CSNK1G1: variants seen among roughly 807,000 people sequenced by gnomAD.
The protein encoded by CSNK1G1 is casein kinase 1 gamma 1, also known as casein kinase I isoform gamma-1.
A neutral mutation model predicts 59.6 loss-of-function variants in CSNK1G1; 22 were observed. That is an observed-to-expected ratio of 0.37 (90% CI 0.26 to 0.53). The LOEUF (loss-of-function observed/expected upper bound fraction) is 0.53. Ranked by LOEUF, CSNK1G1 falls within the 20% of genes least tolerant of loss-of-function variation. CSNK1G1 has a pLI of 0.89. For missense variants in CSNK1G1, 384 were observed against 519.5 expected (o/e 0.74, Z 2.54); for synonymous variants, 179 against 177.1 (o/e 1.01, Z -0.08).
intron 1 of CSNK1G1, among the ~76,000 whole-genome samples, chr15:64,348,161 T>C (rs958793507): frequency 6.6e-6 from 1 of 152,088 alleles, no homozygotes; most frequent in East Asian, 1.9e-4. Context: ...CTGCCAGTAA[T>C]TCAGGCAGGA....
chr15:64,347,577 T>TC (rs1898044295), intron 1 of CSNK1G1, among the ~76,000 whole-genome samples: 1 of 77,370 alleles, frequency 1.3e-5, no homozygotes, highest in Admixed American at 2.1e-4. Flanking sequence ...ATAGCAACAC[T>TC]CCGTCTTAAA....
intron 4 of CSNK1G1, among the ~76,000 whole-genome samples, chr15:64,245,123 T>C (rs1259870071): frequency 6.6e-6 from 1 of 151,938 alleles, no homozygotes; most frequent in East Asian, 1.9e-4. Flanking sequence ...AAGACTTAGA[T>C]GTAAGACCTG....
In CSNK1G1 at chr15:64,300,629, G is replaced by T; in HGVS notation, c.-130C>A. The T allele has an allele frequency of 7.3e-7, 1 of 1,373,478 alleles. No individual in the cohort carries two copies. Among genetic ancestry groups the T allele is most frequent in the Non-Finnish European group, 9.5e-7 (1 of 1,057,806 alleles). 85.1% of individuals were successfully genotyped at this position (1,373,478 alleles called of 1,614,324 possible). A position where few individuals can be genotyped will look rare whatever the true frequency, so the allele number is the denominator to read the frequency against. On this transcript the variant is annotated 5_prime_UTR_variant, in exon 2 of 12. Coordinates refer to ENST00000303052, the MANE Select transcript of CSNK1G1 (RefSeq NM_022048.5). Reference sequence around the variant, plus strand: ...AAGGAGTTCTTTTAGCACCATATTTGTTTGTAATGTATCTCCGGGAGATGA... The same window carrying T: ...AAGGAGTTCTTTTAGCACCATATTTTTTTGTAATGTATCTCCGGGAGATGA...
At chr15:64,194,796 G>A (rs1387686531) in intron 10 of CSNK1G1, among the ~76,000 whole-genome samples, 1 of 151,826 alleles carries the variant, frequency 6.6e-6, no homozygotes, top group East Asian at 1.9e-4. Flanking sequence ...GTGAGCCACC[G>A]ACCCCAGCCA....
chr15:64,233,963 G>A (rs1566912528), intron 4 of CSNK1G1, among the ~76,000 whole-genome samples: 1 of 152,128 alleles, frequency 6.6e-6, no homozygotes, highest in Non-Finnish European at 1.5e-5. Context: ...CTTTTAAAAT[G>A]TTTCCTGACA....
Position 64,167,640 on chromosome 15 carries a change from A to G in CSNK1G1, c.*4291T>C, listed in dbSNP as rs139479622. 2 of 152,832 alleles carry G rather than the reference A, an allele frequency of 1.3e-5. No homozygotes were observed. The highest frequency in any genetic ancestry group is 4.8e-5 in the African/African-American group (2 of 41,586). 9.5% of individuals were successfully genotyped at this position (152,832 alleles called of 1,614,324 possible). A position where few individuals can be genotyped will look rare whatever the true frequency, so the allele number is the denominator to read the frequency against. On this transcript the variant is annotated 3_prime_UTR_variant, in exon 12 of 12. Coordinates refer to ENST00000303052, the MANE Select transcript of CSNK1G1 (RefSeq NM_022048.5). ...GGCTGTATGGTGTTGCAGGCTCCCA[A>G]TCTGAGAAACGAACCTTAATATGGT...
chr15:64,176,279 C>T lies in CSNK1G1; in HGVS notation c.1214+4069G>A. On this transcript the variant is annotated intron_variant, in intron 11 of 11. Transcript: ENST00000303052. The surrounding 1 kb of genome is among the most constrained non-coding windows in gnomAD (Gnocchi z 5.2). Reference sequence around the variant, plus strand: ...GGACTCACCACAGGTTGAGCATTTTCAGGCAGCTACAGAGTATATAAAGAG... The same window carrying T: ...GGACTCACCACAGGTTGAGCATTTTTAGGCAGCTACAGAGTATATAAAGAG... 1 of 398,826 alleles carries T rather than the reference C, an allele frequency of 2.5e-6. No individual in the cohort carries two copies. Among genetic ancestry groups the T allele is most frequent in the Non-Finnish European group, 4.4e-6 (1 of 226,104 alleles). 24.7% of individuals were successfully genotyped at this position (398,826 alleles called of 1,614,324 possible).
Position 64,292,421 on chromosome 15 carries a change from G to A in CSNK1G1, c.181+7898C>T, listed in dbSNP as rs76814173. 8.3e-3 allele frequency among the ~76,000 whole-genome samples: 1,263 copies of A among 152,272 alleles called. 17 individuals carry two copies. The highest frequency in any genetic ancestry group is 0.029 in the African/African-American group (1,209 of 41,540). On this transcript the variant is annotated intron_variant, in intron 2 of 11. Coordinates refer to ENST00000303052, the MANE Select transcript of CSNK1G1 (RefSeq NM_022048.5). ...TTTGTCAGAAGTATCCTGTGTTAAT[G>A]CATTTTTGCATATTTCATCAGACAC...
At chr15:64,215,229 T>G (rs1366995848) in intron 5 of CSNK1G1, among the ~76,000 whole-genome samples, 1 of 128,394 alleles carries the variant, frequency 7.8e-6, no homozygotes, top group East Asian at 2.1e-4. Context: ...TTTTTTTTTT[T>G]TGAGATGGAG....
At chr15:64,233,827 G>A (rs2082580209) in intron 4 of CSNK1G1, among the ~76,000 whole-genome samples, 1 of 152,122 alleles carries the variant, frequency 6.6e-6, no homozygotes, top group Admixed American at 6.5e-5. Flanking sequence ...TTAGTACTGA[G>A]TATGTGAATT....
intron 3 of CSNK1G1, among the ~76,000 whole-genome samples, chr15:64,258,243 T>A (rs901555839): frequency 1.3e-5 from 2 of 151,900 alleles, no homozygotes; most frequent in African/African-American, 4.8e-5. Context: ...CCAGGTGTGG[T>A]GGCATGTAGT....
intron 6 of CSNK1G1, among the ~76,000 whole-genome samples, chr15:64,209,393 T>C (rs1207022151): frequency 6.6e-6 from 1 of 152,130 alleles, no homozygotes; most frequent in Non-Finnish European, 1.5e-5. Flanking sequence ...CCTTAAATTA[T>C]AGGGAATTTG....
chr15:64,249,583 A>G (rs767095398), intron 4 of CSNK1G1, among the ~76,000 whole-genome samples: 1 of 152,218 alleles, frequency 6.6e-6, no homozygotes, highest in Non-Finnish European at 1.5e-5. Flanking sequence ...ATGAGTCAAC[A>G]GTTGGCCTAA....
intron 4 of CSNK1G1, among the ~76,000 whole-genome samples, chr15:64,234,505 C>T (rs12440940): frequency 7.2e-5 from 11 of 152,190 alleles, no homozygotes; most frequent in Admixed American, 7.2e-4. Context: ...GATTATTTTC[C>T]CACAAGAGGT....
intron 2 of CSNK1G1, among the ~76,000 whole-genome samples, chr15:64,298,923 C>A (rs973170547): frequency 2.3e-4 from 35 of 151,396 alleles, no homozygotes; most frequent in African/African-American, 8.2e-4. Flanking sequence ...CCTGTAAGTC[C>A]CAGCTACTCT....
chr15:64,314,831 T>C (rs1896185793), intron 1 of CSNK1G1, among the ~76,000 whole-genome samples: 1 of 152,224 alleles, frequency 6.6e-6, no homozygotes, highest in Non-Finnish European at 1.5e-5. Flanking sequence ...AGGCTGAATA[T>C]GTATATGTGT....
Position 64,204,864 on chromosome 15 carries a change from C to T in CSNK1G1, c.850+1G>A, listed in dbSNP as rs1325315880. ...ACTGGAATGTCTTTTTAGCATCCCA[C>T]CTGGAAAGTTCTCACAGAGAGCTTC... On this transcript the variant is annotated splice_donor_variant, in intron 8 of 11. Transcript: ENST00000303052. LOFTEE classifies it high-confidence loss of function. 6.3e-7 allele frequency: 1 copy of T among 1,599,846 alleles called. No homozygotes were observed.
At position 64,206,468 on chromosome 15, in the gene CSNK1G1, G is replaced by A. The variant is rs146374140; in HGVS notation, c.765+1041C>T. Among the ~76,000 whole-genome samples, 19 of 151,756 alleles carry A rather than the reference G, an allele frequency of 1.3e-4. No individual in the cohort carries two copies. In the East Asian group the frequency reaches 2.7e-3, roughly 22 times the overall value. Reference sequence around the variant, plus strand: ...ACAAAAACCAAAAAATTAGCTGGGCGTGGTGGCATGCACCTGTAATCCCAG... The same window carrying A: ...ACAAAAACCAAAAAATTAGCTGGGCATGGTGGCATGCACCTGTAATCCCAG... On this transcript the variant is annotated intron_variant, in intron 7 of 11. Coordinates refer to ENST00000303052, the MANE Select transcript of CSNK1G1 (RefSeq NM_022048.5).
rs906688796 is a variant in CSNK1G1, at chr15:64,210,308, A to G, written c.680-2714T>C. Among the ~76,000 whole-genome samples the G allele has an allele frequency of 2.0e-5, 3 of 152,206 alleles. No individual in the cohort carries two copies. The highest frequency in any genetic ancestry group is 4.4e-5 in the Non-Finnish European group (3 of 68,028). On this transcript the variant is annotated intron_variant, in intron 6 of 11. Coordinates refer to ENST00000303052, the MANE Select transcript of CSNK1G1 (RefSeq NM_022048.5). This position sits in a 1 kb window ranked among gnomAD's most constrained non-coding sequence, Gnocchi z 4.2. ...GGGAGAATTTGAAAAGTCATTTTCCAGCTCTAAAATTCTAAAATAATCTGA... is the reference window on the plus strand; with the variant it reads ...GGGAGAATTTGAAAAGTCATTTTCCGGCTCTAAAATTCTAAAATAATCTGA...
Sources: gnomAD v4.1 joint callset for allele counts (sites outside exome capture counted in the v4.1 genomes callset) on GRCh38, gnomAD v4.1.1 for gene constraint, Gnocchi (gnomAD v3.1) non-coding constraint, MANE v1.5 for transcripts, NCBI Gene and HGNC (gene_info 2026-07-23, HGNC 2026-07-21) for gene names.